Variants in RGSL1 observed in about 807,000 individuals in gnomAD.
RGSL1 encodes regulator of G protein signaling like 1.
RGSL1 carries 97 observed loss-of-function variants against 124.7 expected under a neutral mutation model. The ratio of observed to expected loss-of-function variants is 0.78; its 90% confidence interval spans 0.66 to 0.92. The LOEUF (loss-of-function observed/expected upper bound fraction) is 0.92. Ranked by LOEUF, RGSL1 falls within the 40% of genes least tolerant of loss-of-function variation. The pLI is 0.00. For missense variants in RGSL1, 1,233 were observed against 1,288.4 expected (o/e 0.96, Z 0.66); for synonymous variants, 424 against 438.1 (o/e 0.97, Z 0.40).
intron 10 of RGSL1, 113 bp downstream of exon 10, chr1:182,522,222 C>T (rs1255161101): frequency 5.6e-6 from 4 of 715,932 alleles, no homozygotes; most frequent in Middle Eastern, 2.4e-4. Flanking sequence ...GACCCTTTTC[C>T]ATATACAATA....
intron 9 of RGSL1, among the ~76,000 whole-genome samples, chr1:182,511,305 C>G (rs933866889): frequency 5.3e-5 from 8 of 152,156 alleles, no homozygotes; most frequent in Non-Finnish European, 1.0e-4. Flanking sequence ...GCTGGGATTA[C>G]AAGCATGTGC....
rs201105035 is a variant in RGSL1, at chr1:182,530,252, C to T, written c.2134C>T (p.Leu712=). ...TCTCTTGCATTTTCTAGAAGAAATGCTGCAGTGTGATGCCCCTATTATCAA... is the reference window on the plus strand; with the variant it reads ...TCTCTTGCATTTTCTAGAAGAAATGTTGCAGTGTGATGCCCCTATTATCAA... ...FQGQLSPEEM[L]QCDAPIIKEI... The change falls in exon 12 of 22, where the codon CTG becomes TTG. Residue 712 remains leucine, a synonymous_variant. Coordinates refer to ENST00000294854, the MANE Select transcript of RGSL1 (RefSeq NM_001137669.2). 5.2e-4 allele frequency: 805 copies of T among 1,549,556 alleles called. 4 individuals carry two copies. Among genetic ancestry groups the T allele is most frequent in the Middle Eastern group, 1.3e-3 (8 of 5,998 alleles).
chr1:182,531,041 G>A, intron 13 of RGSL1, 131 bp downstream of exon 13: 1 of 1,072,512 alleles, frequency 9.3e-7, no homozygotes, highest in Non-Finnish European at 1.3e-6. Flanking sequence ...AGGAATTTAA[G>A]CAAGTCCCTC....
At chr1:182,535,093 T>G (rs1023306175) in intron 14 of RGSL1, among the ~76,000 whole-genome samples, 1 of 152,218 alleles carries the variant, frequency 6.6e-6, no homozygotes, top group African/African-American at 2.4e-5. Flanking sequence ...AGCATACTTA[T>G]AAGTGACTAT....
intron 8 of RGSL1, among the ~76,000 whole-genome samples, chr1:182,490,947 G>T: frequency 6.8e-6 from 1 of 146,888 alleles, no homozygotes; most frequent in African/African-American, 2.5e-5. Context: ...ATGGAGTGTG[G>T]TGGAACAATC....
At chr1:182,501,307 C>CTT (rs141279993) in intron 9 of RGSL1, among the ~76,000 whole-genome samples, 4 of 61,366 alleles carry the variant, frequency 6.5e-5, no homozygotes, top group East Asian at 5.9e-4. Context: ...TTTTTCTTTT[C>CTT]TTTTTTTTTT....
At chr1:182,484,872 C>T (rs1654981244) in intron 6 of RGSL1, among the ~76,000 whole-genome samples, 1 of 152,088 alleles carries the variant, frequency 6.6e-6, no homozygotes, top group African/African-American at 2.4e-5. Context: ...GATGTCAGGC[C>T]ATCAGGTGGG....
chr1:182,511,431 T>C (rs755825570), intron 9 of RGSL1, among the ~76,000 whole-genome samples: 1 of 152,206 alleles, frequency 6.6e-6, no homozygotes, highest in Admixed American at 6.5e-5. Flanking sequence ...CCCTAAGAGC[T>C]GGGATTACAG....
At chr1:182,544,577 T>C (rs1286655296) in intron 15 of RGSL1, among the ~76,000 whole-genome samples, 1 of 136,604 alleles carries the variant, frequency 7.3e-6, no homozygotes, top group East Asian at 2.1e-4. Context: ...ATCTGTCCAT[T>C]ACTAAGAGTG....
chr1:182,474,147 A>C lies in RGSL1; in HGVS notation c.1036A>C (p.Ile346Leu). The C allele has an allele frequency of 8.4e-6, 13 of 1,552,078 alleles. No homozygotes were observed. The highest frequency in any genetic ancestry group is 1.4e-5 in the African/African-American group (1 of 73,188). Residue 346 changes from isoleucine to leucine, a missense_variant, in exon 6 of 22, where the codon ATC becomes CTC. Coordinates refer to ENST00000294854, the MANE Select transcript of RGSL1 (RefSeq NM_001137669.2). ...TKVSTHLRTV[I>L]PIVNHSSKMT... ...GGTCTCTACCCACCTGAGGACTGTC[A>C]TCCCCATTGTCAATCACTCCTCCAA...
intron 4 of RGSL1, among the ~76,000 whole-genome samples, chr1:182,463,826 A>T (rs1653051212): frequency 6.6e-6 from 1 of 152,238 alleles, no homozygotes; most frequent in Non-Finnish European, 1.5e-5. Context: ...AAGATAGGTT[A>T]GGAAATAGAG....
chr1:182,488,351 G>C lies in RGSL1; in HGVS notation c.1494+4G>C. 6.4e-7 allele frequency: 1 copy of C among 1,552,078 alleles called. No homozygotes were observed. The highest frequency in any genetic ancestry group is 8.7e-7 in the Non-Finnish European group (1 of 1,146,882). ...CTACTGGTTTCTCCTTTTTACGGTA[G>C]GAAGGACTTTGGGTTAGGAAGGAAT... is the stretch of plus-strand genomic sequence containing the variant. On this transcript the variant is annotated splice_donor_region_variant and intron_variant, in intron 7 of 21. Coordinates refer to ENST00000294854, the MANE Select transcript of RGSL1 (RefSeq NM_001137669.2).
intron 18 of RGSL1, 83 bp downstream of exon 18, chr1:182,551,292 C>A: frequency 8.9e-7 from 1 of 1,128,060 alleles, no homozygotes; most frequent in Non-Finnish European, 1.3e-6. Context: ...GGGCCAAATT[C>A]AAGACTTCCT....
intron 14 of RGSL1, 34 bp downstream of exon 14, chr1:182,532,825 T>C (rs965124873): frequency 6.5e-7 from 1 of 1,538,372 alleles, no homozygotes; most frequent in African/African-American, 1.4e-5. Context: ...CCACTCCCTG[T>C]TGATATTTTA....
chr1:182,529,835 C>A (rs1659032394), intron 11 of RGSL1, among the ~76,000 whole-genome samples: 1 of 152,046 alleles, frequency 6.6e-6, no homozygotes, highest in Non-Finnish European at 1.5e-5. Flanking sequence ...AGTTTCTGAA[C>A]AACTGGAGAA....
At position 182,530,773 on chromosome 1, in the gene RGSL1, T is replaced by C; in HGVS notation, c.2244-17T>C. On this transcript the variant is annotated splice_polypyrimidine_tract_variant and intron_variant, in intron 12 of 21. Coordinates refer to ENST00000294854, the MANE Select transcript of RGSL1 (RefSeq NM_001137669.2). ...AGGTTTTTGCCCTGTTTGATATTAC[T>C]GATGTCCTTCTGACAGGTTTAAAGA... 1 of 1,517,984 alleles carries C rather than the reference T, an allele frequency of 6.6e-7. No homozygotes were observed. Among genetic ancestry groups the C allele is most frequent in the Non-Finnish European group, 8.8e-7 (1 of 1,134,568 alleles). The allele number at this position is 1,517,984 out of a possible 1,614,324, so 94.0% of individuals were successfully genotyped here.
At chr1:182,485,838 A>G (rs1655056093) in intron 6 of RGSL1, among the ~76,000 whole-genome samples, 1 of 152,208 alleles carries the variant, frequency 6.6e-6, no homozygotes, top group Non-Finnish European at 1.5e-5. Flanking sequence ...AAAGAAGAAC[A>G]TATTAGGGCA....
At chr1:182,493,266 G>C (rs907581725) in intron 9 of RGSL1, 137 bp downstream of exon 9, 8 of 632,776 alleles carry the variant, frequency 1.3e-5, no homozygotes, top group East Asian at 5.5e-5. Flanking sequence ...AGGTGGTTAG[G>C]GGGTAATGAC....
At chr1:182,549,785 A>G (rs964900507) in intron 17 of RGSL1, 3 of 152,250 alleles carry the variant, frequency 2.0e-5, no homozygotes, top group African/African-American at 7.2e-5. Flanking sequence ...AAACTATTTA[A>G]TACAGAACCA....
Sources: gnomAD v4.1 joint callset for allele counts (sites outside exome capture counted in the v4.1 genomes callset) on GRCh38, gnomAD v4.1.1 for gene constraint, MANE v1.5 for transcripts, NCBI Gene and HGNC (gene_info 2026-07-23, HGNC 2026-07-21) for gene names.